The following RBFOX1 variants were observed in gnomAD, a reference collection of about 807,000 sequenced individuals.
RBFOX1 encodes RNA binding fox-1 homolog 1, also known as RNA binding protein fox-1 homolog 1.
In RBFOX1, 8 loss-of-function variants were observed where a neutral mutation model predicts 57.7. The ratio of observed to expected loss-of-function variants is 0.14; its 90% CI spans 0.08 to 0.25. The LOEUF is 0.25. RBFOX1 is among the 10% of genes least tolerant of loss of function. RBFOX1 has a pLI of 1.00. For synonymous variants in RBFOX1, 326 were observed against 222.4 expected, an observed-to-expected ratio of 1.47 and a Z score of -4.15; for missense variants, 611 against 548.5, an observed-to-expected ratio of 1.11 and a Z score of -1.14.
At chr16:6,853,933 C>A (rs2142085641) in intron 3 of RBFOX1, among the ~76,000 whole-genome samples, 1 of 152,194 alleles carries the variant, frequency 6.6e-6, no homozygotes, top group South Asian at 2.1e-4. Flanking sequence ...TGGGTAGTAG[C>A]CTGCATGTCT....
At chr16:6,891,424 C>T (rs1439362072) in intron 3 of RBFOX1, among the ~76,000 whole-genome samples, 2 of 151,924 alleles carry the variant, frequency 1.3e-5, no homozygotes, top group Admixed American at 6.6e-5. Flanking sequence ...CCTTTTCTAC[C>T]TAATAGTACC....
chr16:7,600,571 A>G (rs1240285654), intron 9 of RBFOX1, among the ~76,000 whole-genome samples: 1 of 152,336 alleles, frequency 6.6e-6, no homozygotes, highest in East Asian at 1.9e-4. Flanking sequence ...AGGTTCACTC[A>G]TTAGCTACAT....
At chr16:6,051,599 C>T (rs1596714798) in intron 1 of RBFOX1, among the ~76,000 whole-genome samples, 2 of 152,056 alleles carry the variant, frequency 1.3e-5, no homozygotes, top group Admixed American at 6.5e-5. Flanking sequence ...GAGTCTCTGT[C>T]ACCCAGACTG....
chr16:6,845,675 C>G (rs920356878), intron 3 of RBFOX1, among the ~76,000 whole-genome samples: 1 of 152,160 alleles, frequency 6.6e-6, no homozygotes, highest in Non-Finnish European at 1.5e-5. Flanking sequence ...GAGAAAATTT[C>G]AGAGATCTCA....
intron 4 of RBFOX1, among the ~76,000 whole-genome samples, chr16:7,112,664 C>CTGTGTGGGTGTGTGTGTG (rs2065035121): frequency 1.8e-4 from 1 of 5,616 alleles, no homozygotes; most frequent in Non-Finnish European, 2.6e-4. Flanking sequence ...TATGTAAACT[C>CTGTGTGGGTGTGTGTGTG]TGTGTGTGTG....
intron 4 of RBFOX1, among the ~76,000 whole-genome samples, chr16:7,269,055 A>G (rs2153104683): frequency 6.7e-6 from 1 of 150,096 alleles, no homozygotes; most frequent in South Asian, 2.1e-4. Context: ...AAAAAAAAAA[A>G]AAAAAAAAAA....
chr16:7,386,371 A>T (rs2097881458), intron 4 of RBFOX1, among the ~76,000 whole-genome samples: 1 of 151,840 alleles, frequency 6.6e-6, no homozygotes, highest in Non-Finnish European at 1.5e-5. Flanking sequence ...TCCTAAAGCT[A>T]TACCCCCCAG....
At chr16:5,268,311 T>G (rs2062913742) in intron 1 of RBFOX1, among the ~76,000 whole-genome samples, 1 of 152,252 alleles carries the variant, frequency 6.6e-6, no homozygotes, top group Non-Finnish European at 1.5e-5. Flanking sequence ...GCCTGGATTC[T>G]TAGCATCTTT....
intron 1 of RBFOX1, among the ~76,000 whole-genome samples, chr16:6,151,574 C>G (rs540415611): frequency 2.6e-4 from 39 of 152,352 alleles, no homozygotes; most frequent in South Asian, 6.2e-4. Context: ...GAGTGAGCCA[C>G]TGCAACTGGC....
Position 5,994,870 on chromosome 16 carries a change from G to A in RBFOX1, c.351+127535G>A, listed in dbSNP as rs376616744. 1.7e-4 allele frequency among the ~76,000 whole-genome samples: 26 copies of A among 152,268 alleles called. No individual in the cohort carries two copies. In the East Asian group the frequency reaches 3.9e-3, roughly 23 times the overall value. Reference sequence around the variant, plus strand: ...CAATGAGAAATGCATACATATCTACGAATTGAGTGATGAGTTTCCACTCTT... The same window carrying A: ...CAATGAGAAATGCATACATATCTACAAATTGAGTGATGAGTTTCCACTCTT... On this transcript the variant is annotated intron_variant, in intron 4 of 19. Transcript: ENST00000641259.
intron 4 of RBFOX1, among the ~76,000 whole-genome samples, chr16:7,355,578 C>T (rs1256278962): frequency 6.6e-6 from 1 of 152,184 alleles, no homozygotes; most frequent in African/African-American, 2.4e-5. Flanking sequence ...TTGCTCATTG[C>T]TTTTATTTAT....
At chr16:7,494,054 A>T (rs2151621034) in intron 4 of RBFOX1, among the ~76,000 whole-genome samples, 1 of 152,226 alleles carries the variant, frequency 6.6e-6, no homozygotes, top group Non-Finnish European at 1.5e-5. Flanking sequence ...TTCTTCTCCG[A>T]GAGTGGTTAT....
At chr16:7,318,683 A>T (rs565622891) in intron 4 of RBFOX1, among the ~76,000 whole-genome samples, 1 of 152,292 alleles carries the variant, frequency 6.6e-6, no homozygotes, top group East Asian at 1.9e-4. Flanking sequence ...GCTTTTAACA[A>T]AAAGGTACCT....
chr16:6,716,194 T>C (rs1393031561), intron 3 of RBFOX1, among the ~76,000 whole-genome samples: 1 of 152,220 alleles, frequency 6.6e-6, no homozygotes, highest in Non-Finnish European at 1.5e-5. Context: ...ACCTTTCTAA[T>C]AATGTTGTTT....
At chr16:6,864,778 A>G (rs1429371158) in intron 3 of RBFOX1, among the ~76,000 whole-genome samples, 13 of 151,950 alleles carry the variant, frequency 8.6e-5, no homozygotes, top group Admixed American at 8.5e-4. Flanking sequence ...TTTTCCTCTA[A>G]TGTGGGTTTA....
intron 3 of RBFOX1, among the ~76,000 whole-genome samples, chr16:6,806,212 T>C (rs1356379353): frequency 6.6e-6 from 1 of 152,158 alleles, no homozygotes; most frequent in Admixed American, 6.6e-5. Context: ...AATTAATTAA[T>C]TGGATGTTGT....
intron 1 of RBFOX1, among the ~76,000 whole-genome samples, chr16:5,388,830 G>A (rs938970722): frequency 1.6e-4 from 24 of 151,720 alleles, no homozygotes; most frequent in African/African-American, 5.6e-4. Context: ...ACCCACCTCA[G>A]CCTCCCAAAG....
At chr16:7,276,537 G>T (rs2095443626) in intron 4 of RBFOX1, among the ~76,000 whole-genome samples, 2 of 152,110 alleles carry the variant, frequency 1.3e-5, no homozygotes, top group South Asian at 2.1e-4. Context: ...TAAGTAGGAG[G>T]CTTCTATCCT....
chr16:7,127,157 A>G (rs987564426), intron 4 of RBFOX1, among the ~76,000 whole-genome samples: 3 of 152,136 alleles, frequency 2.0e-5, no homozygotes, highest in African/African-American at 7.2e-5. Flanking sequence ...GACTGTGATT[A>G]TAATTTCAGA....
Sources: gnomAD v4.1 joint callset for allele counts (sites outside exome capture counted in the v4.1 genomes callset) on GRCh38, gnomAD v4.1.1 for gene constraint, MANE v1.5 for transcripts, NCBI Gene and HGNC (gene_info 2026-07-23, HGNC 2026-07-21) for gene names.